PTPRK: variants seen among roughly 807,000 people sequenced by gnomAD.
PTPRK encodes the protein receptor-type tyrosine-protein phosphatase kappa.
A neutral mutation model predicts 178.0 loss-of-function variants in PTPRK; 75 were observed. The ratio of observed to expected loss-of-function variants is 0.42; its 90% CI spans 0.35 to 0.51. The LOEUF is 0.51. Among genes scored for constraint, PTPRK ranks in the 20% least tolerant of loss-of-function variants. The probability of loss-of-function intolerance (pLI) is 0.02; values close to 1 mark genes in which losing one functional copy is unlikely to be tolerated. For synonymous variants in PTPRK, 637 were observed against 620.6 expected (o/e 1.03, Z -0.39); for missense variants, 1,441 against 1,797.8 (o/e 0.80, Z 3.59).
intron 6 of PTPRK, among the ~76,000 whole-genome samples, chr6:128,187,802 T>A (rs1803027504): frequency 6.6e-6 from 1 of 152,122 alleles, no homozygotes; most frequent in South Asian, 2.1e-4. Flanking sequence ...ATGTATTGAT[T>A]AACAGCATGA....
At chr6:128,277,603 G>T (rs1820929957) in intron 3 of PTPRK, among the ~76,000 whole-genome samples, 1 of 152,150 alleles carries the variant, frequency 6.6e-6, no homozygotes, top group African/African-American at 2.4e-5. Context: ...AATACCTGGG[G>T]TGGGAAGTCC....
At chr6:128,321,113 T>C (rs1828726173) in intron 3 of PTPRK, 1 of 152,164 alleles carries the variant, frequency 6.6e-6, no homozygotes, top group Non-Finnish European at 1.5e-5. Context: ...ACATAATTCA[T>C]TTTTAAAAGG....
intron 13 of PTPRK, among the ~76,000 whole-genome samples, chr6:128,052,791 A>G (rs1779239485): frequency 6.6e-6 from 1 of 152,138 alleles, no homozygotes. Flanking sequence ...TTCTCTATTT[A>G]TATCAGTAAG....
At chr6:128,106,858 T>A (rs1469152444) in intron 7 of PTPRK, among the ~76,000 whole-genome samples, 1 of 152,178 alleles carries the variant, frequency 6.6e-6, no homozygotes, top group African/African-American at 2.4e-5. Flanking sequence ...CTGTAGCTAT[T>A]TATAACATTC....
At chr6:128,089,561 T>G (rs73584669) in intron 8 of PTPRK, 129 bp downstream of exon 8, 1 of 1,023,176 alleles carries the variant, frequency 9.8e-7, no homozygotes, top group Non-Finnish European at 1.4e-6. Flanking sequence ...CCAAAGTTAA[T>G]CTCATTAATA....
At chr6:128,146,013 T>C (rs970421924) in intron 7 of PTPRK, among the ~76,000 whole-genome samples, 4 of 152,212 alleles carry the variant, frequency 2.6e-5, no homozygotes, top group Admixed American at 2.6e-4. Context: ...TCTGTACAAA[T>C]GCAATCTCAC....
intron 1 of PTPRK, among the ~76,000 whole-genome samples, chr6:128,444,343 C>T (rs1193990934): frequency 2.0e-5 from 3 of 152,166 alleles, no homozygotes; most frequent in African/African-American, 7.2e-5. Flanking sequence ...TCTCACCACC[C>T]TGGCTTGCCT....
chr6:128,024,175 A>G (rs1046193075), intron 13 of PTPRK, among the ~76,000 whole-genome samples: 1 of 152,156 alleles, frequency 6.6e-6, no homozygotes, highest in Non-Finnish European at 1.5e-5. Flanking sequence ...GAACACACTA[A>G]AATAATTTAG....
intron 1 of PTPRK, among the ~76,000 whole-genome samples, chr6:128,459,310 T>G (rs1290054676): frequency 6.6e-6 from 1 of 152,172 alleles, no homozygotes; most frequent in Non-Finnish European, 1.5e-5. Context: ...ATAGCTTTTA[T>G]GCCCACTACT....
chr6:128,126,539 T>G (rs936422734), intron 7 of PTPRK, among the ~76,000 whole-genome samples: 1 of 152,130 alleles, frequency 6.6e-6, no homozygotes, highest in Non-Finnish European at 1.5e-5. Flanking sequence ...TAGGCTAGAG[T>G]GCAGTGGCAT....
At chr6:128,165,714 T>C (rs1799304194) in intron 7 of PTPRK, among the ~76,000 whole-genome samples, 1 of 151,408 alleles carries the variant, frequency 6.6e-6, no homozygotes, top group South Asian at 2.1e-4. Flanking sequence ...TTTTCAAATA[T>C]GTCTCTGCCT....
intron 2 of PTPRK, among the ~76,000 whole-genome samples, chr6:128,353,265 G>A (rs1833442994): frequency 6.6e-6 from 1 of 152,116 alleles, no homozygotes; most frequent in African/African-American, 2.4e-5. Flanking sequence ...TTGCTGATGG[G>A]AATGTAAAAT....
intron 2 of PTPRK, among the ~76,000 whole-genome samples, chr6:128,380,490 T>G (rs1428469794): frequency 2.0e-5 from 3 of 151,744 alleles, no homozygotes; most frequent in Admixed American, 2.0e-4. Flanking sequence ...TCTGATATTC[T>G]GTGTCTAATA....
At chr6:128,161,896 G>A (rs1011511401) in intron 7 of PTPRK, among the ~76,000 whole-genome samples, 7 of 151,390 alleles carry the variant, frequency 4.6e-5, no homozygotes, top group African/African-American at 1.5e-4. Context: ...AAAAGCAAAC[G>A]TCCCTAATTT....
In PTPRK at chr6:128,448,186, T is replaced by C. The variant is rs1050068677; in HGVS notation, c.101-50498A>G. Among the ~76,000 whole-genome samples the C allele has an allele frequency of 2.6e-5, 4 of 152,276 alleles. No homozygotes were observed. In the South Asian group the frequency reaches 8.3e-4, roughly 32 times the overall value. On this transcript the variant is annotated intron_variant, in intron 1 of 29. Transcript: ENST00000368226. ...GGCCCACTATTCATGCCAGCGTCCT[T>C]AGGGCCTGCCATGTTACAGATGCTA... is the stretch of plus-strand genomic sequence containing the variant.
chr6:128,292,923 C>T (rs141512247), intron 3 of PTPRK, among the ~76,000 whole-genome samples: 537 of 151,808 alleles, frequency 3.5e-3, no homozygotes, highest in Admixed American at 6.8e-3. Context: ...CATCAATAAC[C>T]TTTGTTAAAG....
intron 2 of PTPRK, among the ~76,000 whole-genome samples, chr6:128,353,282 G>A (rs1185988085): frequency 6.6e-6 from 1 of 152,166 alleles, no homozygotes; most frequent in Non-Finnish European, 1.5e-5. Flanking sequence ...AAATGGTACA[G>A]CCACTATGAA....
Position 128,085,970 on chromosome 6 carries a change from A to G in PTPRK, c.1466-2146T>C, listed in dbSNP as rs796383801. ...CATTTGAAGGAAGATCATGTGTACA[A>G]TTATAGACAGAAAATGTCTCTCTGT... On this transcript the variant is annotated intron_variant, in intron 8 of 29. Transcript: ENST00000368226. 2.6e-5 allele frequency among the ~76,000 whole-genome samples: 4 copies of G among 152,336 alleles called. No homozygotes were observed. The South Asian group carries it at 6.2e-4, about 24-fold the overall frequency.
chr6:128,291,361 A>G (rs1186805045), intron 3 of PTPRK, among the ~76,000 whole-genome samples: 1 of 152,168 alleles, frequency 6.6e-6, no homozygotes, highest in African/African-American at 2.4e-5. Context: ...CCTTGATTTT[A>G]GACCAATGAG....
Sources: gnomAD v4.1 joint callset for allele counts (sites outside exome capture counted in the v4.1 genomes callset) on GRCh38, gnomAD v4.1.1 for gene constraint, MANE v1.5 for transcripts, NCBI Gene and HGNC (gene_info 2026-07-23, HGNC 2026-07-21) for gene names.